Variants in ABLIM1 observed in about 807,000 individuals in gnomAD.
The protein encoded by ABLIM1 is actin binding LIM protein 1.
A neutral mutation model predicts 107.0 loss-of-function variants in ABLIM1; 40 were observed. That is an observed-to-expected ratio of 0.37 (90% CI 0.29 to 0.49). The LOEUF (loss-of-function observed/expected upper bound fraction) is 0.49, where lower values mean the gene tolerates loss of function less well. Among genes scored for constraint, ABLIM1 ranks in the 20% least tolerant of loss-of-function variants. The pLI, the probability that ABLIM1 is intolerant of heterozygous loss-of-function variation, is 0.97. For missense variants in ABLIM1, 857 were observed against 1,008.5 expected, an observed-to-expected ratio of 0.85 and a Z score of 2.04; for synonymous variants, 357 against 357.3, an observed-to-expected ratio of 1.00 and a Z score of 0.01.
intron 1 of ABLIM1, among the ~76,000 whole-genome samples, chr10:114,738,041 A>AATT (rs143799903): frequency 6.6e-6 from 1 of 151,916 alleles, no homozygotes; most frequent in East Asian, 1.9e-4. Flanking sequence ...GTGATATATA[A>AATT]ATTATTATTA....
intron 1 of ABLIM1, among the ~76,000 whole-genome samples, chr10:114,754,924 A>G (rs538618144): frequency 6.6e-6 from 1 of 152,222 alleles, no homozygotes; most frequent in South Asian, 2.1e-4. Context: ...TCCTGTGGTA[A>G]AGGTGTGACA....
At chr10:114,541,894 G>A (rs2066699151) in intron 6 of ABLIM1, among the ~76,000 whole-genome samples, 1 of 97,400 alleles carries the variant, frequency 1.0e-5, no homozygotes, top group Non-Finnish European at 2.1e-5. Context: ...AATCTGAAGG[G>A]AATCAACACA....
In ABLIM1 at chr10:114,553,971, G is replaced by A. The variant is rs142521443; in HGVS notation, c.674-6195C>T. ...ATCTTGATGAGTCCACCTGAGAAAG[G>A]TGCCTGCTAAGTAGGGGGACTTCAT... On this transcript the variant is annotated intron_variant, in intron 4 of 22. Coordinates refer to ENST00000533213, the MANE Select transcript of ABLIM1 (RefSeq NM_002313.7). 5.4e-4 allele frequency among the ~76,000 whole-genome samples: 82 copies of A among 152,278 alleles called. No individual in the cohort carries two copies. The South Asian group carries it at 6.6e-3, about 12-fold the overall frequency.
intron 1 of ABLIM1, among the ~76,000 whole-genome samples, chr10:114,637,267 A>G (rs1432533190): frequency 6.6e-6 from 1 of 152,178 alleles, no homozygotes; most frequent in Non-Finnish European, 1.5e-5. Flanking sequence ...AAACAGCTAT[A>G]TACCATGCCA....
intron 1 of ABLIM1, among the ~76,000 whole-genome samples, chr10:114,738,813 T>G (rs1420987406): frequency 2.0e-5 from 3 of 151,946 alleles, no homozygotes. Context: ...GCTAGTTGGT[T>G]AGAGGAAGGA....
At chr10:114,639,347 A>T (rs1187911396) in intron 1 of ABLIM1, among the ~76,000 whole-genome samples, 1 of 152,232 alleles carries the variant, frequency 6.6e-6, no homozygotes, top group East Asian at 1.9e-4. Context: ...ACTAATTAAG[A>T]TAAAAGCAGA....
chr10:114,521,681 T>C, intron 6 of ABLIM1, among the ~76,000 whole-genome samples: 1 of 152,104 alleles, frequency 6.6e-6, no homozygotes, highest in East Asian at 1.9e-4. Context: ...CTTTCCTTCC[T>C]TCCCTCTCCT....
At chr10:114,438,347 C>T (rs766212310) in intron 21 of ABLIM1, among the ~76,000 whole-genome samples, 1 of 152,146 alleles carries the variant, frequency 6.6e-6, no homozygotes, top group Admixed American at 6.5e-5. Flanking sequence ...GTAGCCTCAA[C>T]CTATCAGGCC....
chr10:114,491,006 G>GTATATATATATATATA (rs759409911), intron 7 of ABLIM1, among the ~76,000 whole-genome samples: 2 of 59,248 alleles, frequency 3.4e-5, no homozygotes, highest in Non-Finnish European at 3.1e-5. Context: ...GTGTGTGTGT[G>GTATATATATATATATA]TGTGTGTATA....
chr10:114,546,731 C>T (rs987624260), intron 5 of ABLIM1, among the ~76,000 whole-genome samples: 1 of 152,088 alleles, frequency 6.6e-6, no homozygotes, highest in African/African-American at 2.4e-5. Context: ...TTAATATTTT[C>T]GAATAGGTGA....
At chr10:114,483,879 A>T (rs934354890) in intron 8 of ABLIM1, among the ~76,000 whole-genome samples, 5 of 152,192 alleles carry the variant, frequency 3.3e-5, no homozygotes, top group African/African-American at 2.4e-5. Context: ...TAACAGGCCA[A>T]GGTTTCCACT....
At chr10:114,588,970 CA>C (rs969255061) in intron 2 of ABLIM1, among the ~76,000 whole-genome samples, 6 of 152,058 alleles carry the variant, frequency 3.9e-5, no homozygotes, top group Non-Finnish European at 7.4e-5. Context: ...TTTCAGTCAA[CA>C]ACAGATTGCC....
intron 12 of ABLIM1, among the ~76,000 whole-genome samples, chr10:114,460,319 G>C (rs2063597784): frequency 6.6e-6 from 1 of 152,016 alleles, no homozygotes; most frequent in African/African-American, 2.4e-5. Context: ...AATGATTTAA[G>C]GTCGGGCGCG....
At chr10:114,679,703 C>T (rs576685341) in intron 1 of ABLIM1, among the ~76,000 whole-genome samples, 1 of 148,644 alleles carries the variant, frequency 6.7e-6, no homozygotes, top group African/African-American at 2.5e-5. Flanking sequence ...AACCATGAAA[C>T]ATAAAAATGC....
chr10:114,609,876 C>T (rs1323780414), intron 1 of ABLIM1, among the ~76,000 whole-genome samples: 1 of 152,222 alleles, frequency 6.6e-6, no homozygotes, highest in African/African-American at 2.4e-5. Context: ...GTAGGAGGGA[C>T]TGTTGCACAA....
chr10:114,488,121 A>T, intron 7 of ABLIM1, 105 bp from the exon 8 acceptor site: 1 of 1,211,048 alleles, frequency 8.3e-7, no homozygotes, highest in East Asian at 2.3e-5. Context: ...TCCCCATCAT[A>T]GGAAGGTGTT....
chr10:114,769,506 GAGAA>G (rs771810024), upstream of ABLIM1, among the ~76,000 whole-genome samples: 3 of 145,930 alleles, frequency 2.1e-5, no homozygotes, highest in South Asian at 2.2e-4. Flanking sequence ...AAGGAAGAGA[GAGAA>G]GGAAGGAAGG....
intron 6 of ABLIM1, among the ~76,000 whole-genome samples, chr10:114,492,194 T>C (rs183714678): frequency 2.6e-5 from 4 of 151,346 alleles, no homozygotes; most frequent in Admixed American, 2.0e-4. Flanking sequence ...AGTCACTCCA[T>C]CTCCCCAAAA....
intron 1 of ABLIM1, among the ~76,000 whole-genome samples, chr10:114,744,813 T>G (rs2082350588): frequency 6.6e-6 from 1 of 152,166 alleles, no homozygotes; most frequent in Non-Finnish European, 1.5e-5. Context: ...ATGCTCTTCC[T>G]AGCTGACAAA....
Sources: allele counts gnomAD v4.1 joint callset (sites outside exome capture counted in the v4.1 genomes callset), GRCh38; gene constraint gnomAD v4.1.1; transcripts MANE v1.5; gene names NCBI Gene and HGNC (gene_info 2026-07-23, HGNC 2026-07-21).